The following RNF216 variants were observed in gnomAD, a reference collection of about 807,000 sequenced individuals.
RNF216 encodes the protein E3 ubiquitin-protein ligase RNF216.
Under a neutral mutation model 110.8 loss-of-function variants are expected in RNF216, and 72 were observed. That is an observed-to-expected ratio of 0.65 (90% CI 0.54 to 0.79). The LOEUF is 0.79. RNF216 is among the 30% of genes least tolerant of loss of function. The pLI is 0.00. For synonymous variants in RNF216, 495 were observed against 407.5 expected (o/e 1.21, Z -2.59); for missense variants, 1,342 against 1,141.2 (o/e 1.18, Z -2.54).
chr7:5,752,408 A>G (rs779401862), intron 3 of RNF216, among the ~76,000 whole-genome samples: 11 of 152,182 alleles, frequency 7.2e-5, no homozygotes, highest in Non-Finnish European at 1.3e-4. Flanking sequence ...CTCTATAAAT[A>G]TAACAGGAAG....
At chr7:5,699,135 G>C (rs1468580162) in intron 13 of RNF216, among the ~76,000 whole-genome samples, 1 of 152,074 alleles carries the variant, frequency 6.6e-6, no homozygotes, top group Non-Finnish European at 1.5e-5. Context: ...GTTTAATAAT[G>C]ATCGACTCAT....
intron 3 of RNF216, among the ~76,000 whole-genome samples, chr7:5,746,634 A>T (rs778327565): frequency 4.3e-4 from 65 of 152,186 alleles, no homozygotes; most frequent in Admixed American, 7.9e-4. Context: ...AGCCAACGTC[A>T]TCCCGGTCCT....
chr7:5,745,462 G>A (rs1288332816), intron 3 of RNF216, among the ~76,000 whole-genome samples: 1 of 152,142 alleles, frequency 6.6e-6, no homozygotes, highest in African/African-American at 2.4e-5. Flanking sequence ...AATTTTTGAG[G>A]AAGTACCGTA....
chr7:5,741,829 A>T lies in RNF216; in HGVS notation c.202-14T>A, dbSNP rs768885067. The T allele has an allele frequency of 1.3e-6, 2 of 1,576,308 alleles. No individual in the cohort carries two copies. Among genetic ancestry groups the T allele is most frequent in the Admixed American group, 3.9e-5 (2 of 51,790 alleles). ...AGGTTTATTTGTCTAAGAAAAAATG[A>T]AATTTTAATAATTCAATTTCTTTCC... On this transcript the variant is annotated splice_polypyrimidine_tract_variant and intron_variant, in intron 3 of 16. Coordinates refer to ENST00000389902, the MANE Select transcript of RNF216 (RefSeq NM_207111.4).
intron 15 of RNF216, among the ~76,000 whole-genome samples, chr7:5,634,457 C>T (rs1787271261): frequency 6.6e-6 from 1 of 152,228 alleles, no homozygotes; most frequent in Non-Finnish European, 1.5e-5. Context: ...AACGGCAGAC[C>T]CTTAGCCCCC....
At chr7:5,664,159 T>C (rs1447543095) in intron 13 of RNF216, among the ~76,000 whole-genome samples, 3 of 152,202 alleles carry the variant, frequency 2.0e-5, no homozygotes, top group Non-Finnish European at 4.4e-5. Flanking sequence ...AGTTGTTTTT[T>C]TGTACTTTCC....
chr7:5,741,326 C>A lies in RNF216; in HGVS notation c.691G>T (p.Asp231Tyr). 6.2e-7 allele frequency: 1 copy of A among 1,614,064 alleles called. No homozygotes were observed. Among genetic ancestry groups the A allele is most frequent in the South Asian group, 1.1e-5 (1 of 91,084 alleles). Residue 231 changes from aspartate to tyrosine, a missense_variant, in exon 4 of 17, where the codon GAT becomes TAT. Coordinates refer to ENST00000389902, the MANE Select transcript of RNF216 (RefSeq NM_207111.4). ...TTCAGAGACTGGAAGTAAGGATGATCTAACCAGCAGTCTTCTTCGATGGCC... is the reference window on the plus strand; with the variant it reads ...TTCAGAGACTGGAAGTAAGGATGATATAACCAGCAGTCTTCTTCGATGGCC... ...DQAIEEDCWL[D>Y]HPYFQSLNQQ...
At position 5,752,993 on chromosome 7, in the gene RNF216, G is replaced by T; in HGVS notation, c.68-14C>A. The T allele has an allele frequency of 6.2e-7, 1 of 1,602,696 alleles. No individual in the cohort carries two copies. Among genetic ancestry groups the T allele is most frequent in the Non-Finnish European group, 8.5e-7 (1 of 1,175,792 alleles). On this transcript the variant is annotated splice_polypyrimidine_tract_variant and intron_variant, in intron 2 of 16. Transcript: ENST00000389902. ...GATTGATCCACTCTACAGGAAAGCAGAGAACACTGTTACTGGGAGGTTGGC... is the reference window on the plus strand; with the variant it reads ...GATTGATCCACTCTACAGGAAAGCATAGAACACTGTTACTGGGAGGTTGGC...
intron 1 of RNF216, among the ~76,000 whole-genome samples, chr7:5,779,511 T>C (rs1409220209): frequency 2.0e-5 from 3 of 152,090 alleles, no homozygotes; most frequent in Admixed American, 2.0e-4. Context: ...AGATGTTTCA[T>C]AGAATCTTCC....
chr7:5,714,671 CA>C (rs1482740441), intron 11 of RNF216, among the ~76,000 whole-genome samples: 1 of 152,080 alleles, frequency 6.6e-6, no homozygotes, highest in East Asian at 1.9e-4. Flanking sequence ...TGCTGGTGTC[CA>C]GAGAAACTCA....
chr7:5,743,365 CAAG>C (rs1794869357), intron 3 of RNF216, among the ~76,000 whole-genome samples: 1 of 152,080 alleles, frequency 6.6e-6, no homozygotes, highest in Non-Finnish European at 1.5e-5. Context: ...AGGGCATATA[CAAG>C]AATATTCAGC....
intron 13 of RNF216, among the ~76,000 whole-genome samples, chr7:5,654,050 C>T (rs1222405543): frequency 6.6e-6 from 1 of 152,018 alleles, no homozygotes; most frequent in Non-Finnish European, 1.5e-5. Flanking sequence ...TCAGGTATGT[C>T]TTTTAAAAAA....
intron 5 of RNF216, among the ~76,000 whole-genome samples, chr7:5,738,087 C>CAAAAAAAAAAAAAAA (rs200643372): frequency 2.7e-5 from 3 of 110,978 alleles, no homozygotes; most frequent in African/African-American, 1.2e-4. Context: ...AGACTGTCTC[C>CAAAAAAAAAAAAAAA]AAAAAAAAAA....
chr7:5,693,564 A>C (rs1791459891), intron 13 of RNF216, among the ~76,000 whole-genome samples: 1 of 152,262 alleles, frequency 6.6e-6, no homozygotes, highest in Non-Finnish European at 1.5e-5. Flanking sequence ...AGCCGGCATG[A>C]AGAAGCCAAG....
At chr7:5,633,033 G>A (rs1787172014) in intron 15 of RNF216, among the ~76,000 whole-genome samples, 1 of 151,926 alleles carries the variant, frequency 6.6e-6, no homozygotes, top group Admixed American at 6.5e-5. Flanking sequence ...AGGCTGGAGT[G>A]CAGTGGTGCG....
chr7:5,762,326 C>G (rs1795977079), intron 1 of RNF216, among the ~76,000 whole-genome samples: 1 of 151,782 alleles, frequency 6.6e-6, no homozygotes. Context: ...AGTTTGAGAC[C>G]AGCCTGGCCA....
chr7:5,733,265 T>C (rs1794195325), intron 5 of RNF216: 1 of 152,204 alleles, frequency 6.6e-6, no homozygotes, highest in Admixed American at 6.5e-5. Flanking sequence ...CTTTTTGGAT[T>C]TCACGAGAAT....
At chr7:5,743,031 G>A (rs532580664) in intron 3 of RNF216, among the ~76,000 whole-genome samples, 5 of 152,194 alleles carry the variant, frequency 3.3e-5, no homozygotes, top group Non-Finnish European at 5.9e-5. Context: ...GGGAGGCCAA[G>A]GCAGGCGGAT....
rs186071688 is a variant in RNF216, at chr7:5,741,148, G to A, written c.869C>T (p.Pro290Leu). ...QQGGISGPSS[P>L]QPAHPLGEFE... ...CTCTCCTAGAGGATGGGCAGGCTGA[G>A]GAGAAGAGGGGCCTGAAATCCCACC... The change falls in exon 4 of 17, where the codon CCT (proline) becomes CTT (leucine). Residue 290 changes from proline to leucine, a missense_variant. Coordinates refer to ENST00000389902, the MANE Select transcript of RNF216 (RefSeq NM_207111.4). 1.9e-6 allele frequency: 3 copies of A among 1,614,168 alleles called. No individual in the cohort carries two copies. The highest frequency in any genetic ancestry group is 2.7e-5 in the African/African-American group (2 of 75,044).
Sources: gnomAD v4.1 joint callset for allele counts (sites outside exome capture counted in the v4.1 genomes callset) on GRCh38, gnomAD v4.1.1 for gene constraint, MANE v1.5 for transcripts, NCBI Gene and HGNC (gene_info 2026-07-23, HGNC 2026-07-21) for gene names.